The following PALM2AKAP2 variants were observed in gnomAD, a reference collection of about 807,000 sequenced individuals.
The protein encoded by PALM2AKAP2 is PALM2 and AKAP2 fusion, also known as PALM2-AKAP2 fusion protein.
A neutral mutation model predicts 71.5 loss-of-function variants in PALM2AKAP2; 37 were observed. That is an observed-to-expected ratio of 0.52 (90% CI 0.40 to 0.68). The LOEUF is 0.68. Among genes scored for constraint, PALM2AKAP2 ranks in the 30% least tolerant of loss-of-function variants. The pLI is 0.00. For synonymous variants in PALM2AKAP2, 468 were observed against 478.8 expected, an observed-to-expected ratio of 0.98 and a Z score of 0.29; for missense variants, 1,224 against 1,191.8, an observed-to-expected ratio of 1.03 and a Z score of -0.40.
chr9:110,084,702 A>G lies in PALM2AKAP2; in HGVS notation c.156+35847A>G, dbSNP rs544476201. On this transcript the variant is annotated intron_variant, in intron 1 of 3. Coordinates refer to ENST00000374525, the Ensembl canonical transcript of PALM2AKAP2. The stretch of plus-strand genomic sequence containing the variant: ...GATAAAAAAAAGTCTGTGGGTGTTC[A>G]CTACACGTGCTACCATACTTTGTTT... Among the ~76,000 whole-genome samples, 53 of 152,258 alleles carry G rather than the reference A, an allele frequency of 3.5e-4. No homozygotes were observed. In the South Asian group the frequency reaches 0.011, roughly 32 times the overall value.
At chr9:110,107,328 T>C (rs1465920880) in intron 1 of PALM2AKAP2, among the ~76,000 whole-genome samples, 1 of 152,172 alleles carries the variant, frequency 6.6e-6, no homozygotes, top group Non-Finnish European at 1.5e-5. Context: ...GCATTGTATG[T>C]ACGGAAACAT....
chr9:109,814,081 C>T (rs1235437874), intron 1 of PALM2AKAP2, among the ~76,000 whole-genome samples: 1 of 152,238 alleles, frequency 6.6e-6, no homozygotes, highest in Non-Finnish European at 1.5e-5. Context: ...TGACTTGACT[C>T]ATTCTCCAGC....
chr9:109,730,700 G>C (rs550435572), intron 1 of PALM2AKAP2, among the ~76,000 whole-genome samples: 6 of 152,122 alleles, frequency 3.9e-5, no homozygotes, highest in Non-Finnish European at 8.8e-5. Context: ...TATAAGTTTA[G>C]GATATGAATA....
At chr9:110,006,324 C>CTCTTTGTT (rs1554736921) in intron 6 of PALM2AKAP2, among the ~76,000 whole-genome samples, 2 of 102,102 alleles carry the variant, frequency 2.0e-5, no homozygotes, top group Non-Finnish European at 3.9e-5. Flanking sequence ...TTCCTTCCTT[C>CTCTTTGTT]TCTTTCTTTC....
intron 1 of PALM2AKAP2, among the ~76,000 whole-genome samples, chr9:109,782,744 TTGTGTG>T (rs71492863): frequency 0.079 from 11,424 of 144,212 alleles, 551 homozygotes; most frequent in South Asian, 0.17. Flanking sequence ...GTGTGTTTGT[TTGTGTG>T]TGTGTGTGTG....
At chr9:109,723,445 C>T (rs775049587) in intron 1 of PALM2AKAP2, among the ~76,000 whole-genome samples, 5 of 152,074 alleles carry the variant, frequency 3.3e-5, no homozygotes, top group African/African-American at 9.7e-5. Context: ...AAAAGATGAC[C>T]GAGACCCCAT....
chr9:109,960,393 G>C (rs1303760159), intron 6 of PALM2AKAP2, among the ~76,000 whole-genome samples: 1 of 152,158 alleles, frequency 6.6e-6, no homozygotes, highest in African/African-American at 2.4e-5. Flanking sequence ...TTCCAAAATG[G>C]ATCAGTAGCA....
At chr9:110,109,083 C>T (rs1050900614) in intron 1 of PALM2AKAP2, among the ~76,000 whole-genome samples, 10 of 151,842 alleles carry the variant, frequency 6.6e-5, no homozygotes, top group African/African-American at 7.3e-5. Flanking sequence ...TTTGGGAGGC[C>T]GAGGCAGGTG....
chr9:110,002,157 T>C (rs1433016448), intron 6 of PALM2AKAP2, among the ~76,000 whole-genome samples: 2 of 152,216 alleles, frequency 1.3e-5, no homozygotes, highest in Non-Finnish European at 2.9e-5. Flanking sequence ...GGGTTTGTCA[T>C]AGATAGCTCT....
At chr9:109,856,650 T>C (rs1832314558) in intron 1 of PALM2AKAP2, among the ~76,000 whole-genome samples, 1 of 152,210 alleles carries the variant, frequency 6.6e-6, no homozygotes, top group Admixed American at 6.5e-5. Context: ...ATTACTTTTA[T>C]TTATGTTTTG....
At chr9:110,135,952 A>G (rs1240785805) in intron 1 of PALM2AKAP2, among the ~76,000 whole-genome samples, 175 bp from the exon 8 acceptor site, 4 of 152,222 alleles carry the variant, frequency 2.6e-5, no homozygotes, top group Admixed American at 6.5e-5. Context: ...AGGATTGGGC[A>G]CCTGTTACTA....
chr9:110,135,188 T>TATATATATATATATATATAA (rs1484544851), intron 1 of PALM2AKAP2, among the ~76,000 whole-genome samples: 22 of 93,524 alleles, frequency 2.4e-4, no homozygotes, highest in African/African-American at 9.8e-4. Flanking sequence ...TATATATATA[T>TATATATATATATATATATAA]AAATCAGCCA....
At chr9:109,968,737 G>A (rs374588738) in intron 6 of PALM2AKAP2, among the ~76,000 whole-genome samples, 263 of 152,126 alleles carry the variant, frequency 1.7e-3, no homozygotes, top group African/African-American at 6.0e-3. Context: ...GTCCAGCCGC[G>A]ATTTTCAGCG....
At chr9:110,120,349 C>T (rs533579434) in intron 1 of PALM2AKAP2, among the ~76,000 whole-genome samples, 2 of 152,144 alleles carry the variant, frequency 1.3e-5, no homozygotes, top group African/African-American at 4.8e-5. Context: ...TCAACAGATT[C>T]GGGGTAGAAA....
At chr9:109,699,185 A>T (rs1587872536) in intron 1 of PALM2AKAP2, among the ~76,000 whole-genome samples, 1 of 152,216 alleles carries the variant, frequency 6.6e-6, no homozygotes, top group Non-Finnish European at 1.5e-5. Context: ...AATCAAACAC[A>T]AGATACCATT....
intron 1 of PALM2AKAP2, among the ~76,000 whole-genome samples, chr9:110,092,584 T>A (rs1834738436): frequency 6.6e-6 from 1 of 152,174 alleles, no homozygotes; most frequent in Non-Finnish European, 1.5e-5. Flanking sequence ...TTCTGTGTGG[T>A]TTTAAGGGCA....
chr9:109,868,860 A>G (rs1032068029), intron 2 of PALM2AKAP2, among the ~76,000 whole-genome samples: 10 of 152,308 alleles, frequency 6.6e-5, no homozygotes, highest in Middle Eastern at 3.4e-3. Flanking sequence ...TTTCCCCACA[A>G]CATTCCTGAG....
At chr9:110,017,114 C>T (rs1192151785) in intron 7 of PALM2AKAP2, among the ~76,000 whole-genome samples, 5 of 152,148 alleles carry the variant, frequency 3.3e-5, no homozygotes, top group South Asian at 2.1e-4. Flanking sequence ...CTCCTGACCT[C>T]GAGATCCGCC....
chr9:109,664,909 C>T lies in PALM2AKAP2; in HGVS notation c.5+24043C>T, dbSNP rs190675093. On this transcript the variant is annotated intron_variant, in intron 1 of 6. Coordinates refer to the PALM2AKAP2 transcript ENST00000374531. Reference sequence around the variant, plus strand: ...TTCCTTTTTGCTCTTTTTTCTCTAACTTTATCACTTCATTTCATTAATTTG... The same window carrying T: ...TTCCTTTTTGCTCTTTTTTCTCTAATTTTATCACTTCATTTCATTAATTTG... 3.3e-5 allele frequency among the ~76,000 whole-genome samples: 5 copies of T among 151,040 alleles called. 1 individual carries two copies. The highest frequency in any genetic ancestry group is 1.2e-4 in the African/African-American group (5 of 41,266).
Sources: gnomAD v4.1 joint callset for allele counts (sites outside exome capture counted in the v4.1 genomes callset) on GRCh38, gnomAD v4.1.1 for gene constraint, MANE v1.5 for transcripts, NCBI Gene and HGNC (gene_info 2026-07-23, HGNC 2026-07-21) for gene names.